Variants in RICTOR observed in about 807,000 individuals in gnomAD.
RICTOR encodes rapamycin-insensitive companion of mTOR.
Under a neutral mutation model 214.9 loss-of-function variants are expected in RICTOR, and 49 were observed. That is an observed-to-expected ratio of 0.23 (90% confidence interval 0.18 to 0.29). The LOEUF (loss-of-function observed/expected upper bound fraction) is 0.29. Among genes scored for constraint, RICTOR ranks in the 10% least tolerant of loss-of-function variants. RICTOR has a pLI of 1.00. For missense variants in RICTOR, 1,625 were observed against 2,047.0 expected (o/e 0.79, Z 3.98); for synonymous variants, 717 against 711.3 (o/e 1.01, Z -0.13).
intron 2 of RICTOR, among the ~76,000 whole-genome samples, chr5:39,046,932 C>G (rs1250834525): frequency 6.6e-6 from 1 of 152,154 alleles, no homozygotes; most frequent in East Asian, 1.9e-4. Context: ...CAATTTTACC[C>G]TTTAAGTCAA....
At chr5:38,991,629 A>G (rs766136915) in intron 6 of RICTOR, among the ~76,000 whole-genome samples, 2 of 152,106 alleles carry the variant, frequency 1.3e-5, no homozygotes, top group Non-Finnish European at 2.9e-5. Context: ...TCTCCCATCA[A>G]TCACTTGTTG....
chr5:39,040,662 C>T (rs904241193), intron 2 of RICTOR, among the ~76,000 whole-genome samples: 1 of 151,836 alleles, frequency 6.6e-6, no homozygotes, highest in African/African-American at 2.4e-5. Flanking sequence ...AACAGGTTGT[C>T]CCCTAGATTG....
At chr5:38,949,561 C>A in intron 31 of RICTOR, 151 bp downstream of exon 31, 2 of 1,045,916 alleles carry the variant, frequency 1.9e-6, no homozygotes, top group South Asian at 1.7e-5. Flanking sequence ...CAAGTCATAT[C>A]GGGTAACAAG....
At chr5:38,944,228 AGATAGCTG>A (rs1470204351) in intron 36 of RICTOR, 3 of 622,316 alleles carry the variant, frequency 4.8e-6, no homozygotes, top group African/African-American at 3.6e-5. Context: ...GCTTAATAGA[AGATAGCTG>A]GATTCTCATA....
chr5:39,038,857 G>A (rs1160366099), intron 2 of RICTOR, among the ~76,000 whole-genome samples: 1 of 152,026 alleles, frequency 6.6e-6, no homozygotes, highest in Non-Finnish European at 1.5e-5. Flanking sequence ...CTCACGGGTA[G>A]GAAGAATCAA....
chr5:38,966,587 A>G, intron 15 of RICTOR, 54 bp downstream of exon 15: 2 of 859,550 alleles, frequency 2.3e-6, no homozygotes, highest in Non-Finnish European at 3.8e-6. Flanking sequence ...AACTTGTTTT[A>G]TAAATTCAAA....
At chr5:38,995,106 TC>T (rs1753082482) in intron 6 of RICTOR, among the ~76,000 whole-genome samples, 1 of 152,168 alleles carries the variant, frequency 6.6e-6, no homozygotes, top group Admixed American at 6.5e-5. Context: ...GTTGCAAAAC[TC>T]TAAAACAATA....
chr5:39,053,703 T>C (rs541019034), intron 2 of RICTOR, among the ~76,000 whole-genome samples: 6,174 of 150,848 alleles, frequency 0.041, 234 homozygotes, highest in African/African-American at 0.096. Flanking sequence ...CCATCCTGGC[T>C]AACACGGTGA....
chr5:38,999,864 T>A (rs1040051357), intron 5 of RICTOR, among the ~76,000 whole-genome samples: 3 of 151,558 alleles, frequency 2.0e-5, no homozygotes, highest in Non-Finnish European at 4.4e-5. Flanking sequence ...AGAAAAAAAC[T>A]ATATGATATT....
At chr5:38,948,782 T>C (rs955463606) in intron 31 of RICTOR, among the ~76,000 whole-genome samples, 2 of 152,046 alleles carry the variant, frequency 1.3e-5, no homozygotes, top group African/African-American at 4.8e-5. Flanking sequence ...TCTTAAATCC[T>C]GTAAGGGTAC....
chr5:38,962,875 C>G lies in RICTOR; in HGVS notation c.1566+1G>C. ...TGAAAATCATGATTTCATGTCAGCACCTTAAGGATAAATATATCTTTCTGA... is the reference window on the plus strand; with the variant it reads ...TGAAAATCATGATTTCATGTCAGCAGCTTAAGGATAAATATATCTTTCTGA... On this transcript the variant is annotated splice_donor_variant, in intron 17 of 37. Transcript: ENST00000357387. LOFTEE classifies it high-confidence loss of function. 6.2e-7 allele frequency: 1 copy of G among 1,609,642 alleles called. No homozygotes were observed. Among genetic ancestry groups the G allele is most frequent in the Non-Finnish European group, 8.5e-7 (1 of 1,176,220 alleles).
rs1748587684 is a variant in RICTOR at position 38,949,975 on chromosome 5, A to G, written c.3873T>C (p.Gly1291=). The G allele has an allele frequency of 1.2e-6, 2 of 1,613,522 alleles. No individual in the cohort carries two copies. The highest frequency in any genetic ancestry group is 3.3e-5 in the Admixed American group (2 of 59,944). Residue 1291 remains glycine, a synonymous_variant, in exon 31 of 38, where the codon GGT becomes GGC. Coordinates refer to ENST00000357387, the MANE Select transcript of RICTOR (RefSeq NM_152756.5). ...KSNSVSLVPP[G]SSHTLPRRAQ... is the part of the protein sequence containing the mutation. ...CTCTTCTAGGAAGCGTATGAGAAGAACCTGGAGGCACCAGGGACACCGAAT... is the reference window on the plus strand; with the variant it reads ...CTCTTCTAGGAAGCGTATGAGAAGAGCCTGGAGGCACCAGGGACACCGAAT...
In RICTOR at chr5:39,021,136, T is replaced by C; in HGVS notation, c.98A>G (p.Glu33Gly). ...AATCTCTCTTAAGTTATCAGAAGGT[T>C]CTAGAAGGAAAGACAAGACAATTTA... ...EENVPLDLTR[E>G]PSDNLREILQ... The change falls in exon 3 of 38, where the codon GAA becomes GGA. Residue 33 changes from glutamate (E) to glycine (G), a missense_variant and splice_region_variant. By Grantham distance (98) the Glu-to-Gly change is moderately conservative. Coordinates refer to ENST00000357387, the MANE Select transcript of RICTOR (RefSeq NM_152756.5). The C allele has an allele frequency of 6.6e-7, 1 of 1,519,510 alleles. No individual in the cohort carries two copies. The highest frequency in any genetic ancestry group is 2.3e-5 in the East Asian group (1 of 44,396). The allele number at this position is 1,519,510 out of a possible 1,614,324, so 94.1% of individuals were successfully genotyped here.
At chr5:38,965,896 T>C (rs909925294) in intron 15 of RICTOR, among the ~76,000 whole-genome samples, 2 of 152,230 alleles carry the variant, frequency 1.3e-5, no homozygotes, top group Admixed American at 6.5e-5. Flanking sequence ...AGATTTGCCA[T>C]AGAATCAATT....
In RICTOR at chr5:39,019,991, G is replaced by A. The variant is rs551799225; in HGVS notation, c.195+1048C>T. On this transcript the variant is annotated intron_variant, in intron 3 of 37. Transcript: ENST00000357387. ...CAATACTCATGGATGACTTTGAGGC[G>A]TTCAAGGTGTCAGTGGAGGGAGTCA... Among the ~76,000 whole-genome samples the A allele has an allele frequency of 1.0e-3, 152 of 152,258 alleles. 1 individual carries two copies. The highest frequency in any genetic ancestry group is 6.4e-3 in the Admixed American group (98 of 15,294).
Position 38,962,311 on chromosome 5 carries a change from A to G in RICTOR, c.1715+4T>C, listed in dbSNP as rs1442966122. On this transcript the variant is annotated splice_donor_region_variant and intron_variant, in intron 19 of 37. Coordinates refer to ENST00000357387, the MANE Select transcript of RICTOR (RefSeq NM_152756.5). Reference sequence around the variant, plus strand: ...AATTTAAATGCAAAATAGTTCTTACATACCTGTGTAACTGTTCATCTTTAT... The same window carrying G: ...AATTTAAATGCAAAATAGTTCTTACGTACCTGTGTAACTGTTCATCTTTAT... 1.4e-6 allele frequency: 2 copies of G among 1,379,706 alleles called. No individual in the cohort carries two copies. Among genetic ancestry groups the G allele is most frequent in the African/African-American group, 2.9e-5 (2 of 68,482 alleles). The allele number at this position is 1,379,706 out of a possible 1,614,324, so 85.5% of individuals were successfully genotyped here. A position where few individuals can be genotyped will look rare whatever the true frequency, so the allele number is the denominator to read the frequency against.
In RICTOR at chr5:39,074,051, C is replaced by A. The variant is rs192901216; in HGVS notation, c.97+60G>T. The A allele has an allele frequency of 7.1e-3, 9,859 of 1,379,658 alleles. 46 individuals are homozygous for A. Among genetic ancestry groups the A allele is most frequent in the Non-Finnish European group, 8.2e-3 (8,432 of 1,032,610 alleles). The allele number at this position is 1,379,658 out of a possible 1,614,324, so 85.5% of individuals were successfully genotyped here. ...CCCGCCCCTGCCTCTGGCCCCCAGC[C>A]CCGGACCCGGCTCCTCCCCAGCAGC... On this transcript the variant is annotated intron_variant, in intron 2 of 37. Transcript: ENST00000357387.
Position 38,959,884 on chromosome 5 carries a change from T to G in RICTOR, c.1946A>C (p.Asn649Thr). The G allele has an allele frequency of 6.2e-7, 1 of 1,612,894 alleles. No individual in the cohort carries two copies. Among genetic ancestry groups the G allele is most frequent in the South Asian group, 1.1e-5 (1 of 91,052 alleles). Residue 649 changes from asparagine to threonine, a missense_variant, in exon 21 of 38, where the codon AAT becomes ACT. Asn to Thr is a moderately conservative substitution (Grantham distance 65). Coordinates refer to ENST00000357387, the MANE Select transcript of RICTOR (RefSeq NM_152756.5). ...GMKPERSLQN[N>T]GLLTTLSQHY... is the part of the protein sequence containing the mutation. ...TTGACTAAGGGTGGTCAATAAACCA[T>G]TATTTTGAAGACTTCTTTCGGGTTT...
chr5:39,032,754 G>C (rs774510866), intron 2 of RICTOR, among the ~76,000 whole-genome samples: 1 of 152,226 alleles, frequency 6.6e-6, no homozygotes, highest in Non-Finnish European at 1.5e-5. Flanking sequence ...TTTCATAGCT[G>C]TTTCAGAAAA....
Sources: gnomAD v4.1 joint callset for allele counts (sites outside exome capture counted in the v4.1 genomes callset) on GRCh38, gnomAD v4.1.1 for gene constraint, MANE v1.5 for transcripts, NCBI Gene and HGNC (gene_info 2026-07-23, HGNC 2026-07-21) for gene names.